The following NOS1 variants were observed in gnomAD, a reference collection of about 807,000 sequenced individuals.
NOS1 encodes NOS type I.
Under a neutral mutation model 164.5 loss-of-function variants are expected in NOS1, and 51 were observed. The ratio of observed to expected loss-of-function variants is 0.31; its 90% CI spans 0.25 to 0.39. NOS1 has a LOEUF of 0.39. Among genes scored for constraint, NOS1 ranks in the 10% least tolerant of loss-of-function variants. The probability of loss-of-function intolerance (pLI) is 1.00; values close to 1 mark genes in which losing one functional copy is unlikely to be tolerated. For missense variants in NOS1, 1,362 were observed against 1,885.6 expected, an observed-to-expected ratio of 0.72 and a Z score of 5.14; for synonymous variants, 719 against 745.8, an observed-to-expected ratio of 0.96 and a Z score of 0.59.
intron 14 of NOS1, among the ~76,000 whole-genome samples, chr12:117,259,707 C>T (rs956102913): frequency 1.3e-5 from 2 of 152,198 alleles, no homozygotes; most frequent in African/African-American, 2.4e-5. Context: ...TCCATGAAAA[C>T]AAGCGATCCA....
At chr12:117,305,909 AGCCTCC>A (rs2136049049) in intron 3 of NOS1, among the ~76,000 whole-genome samples, 1 of 151,226 alleles carries the variant, frequency 6.6e-6, no homozygotes, top group Non-Finnish European at 1.5e-5. Context: ...CTTGTGCCTC[AGCCTCC>A]CGAGTAGCTA....
chr12:117,249,915 G>A (rs1033755175), intron 17 of NOS1, among the ~76,000 whole-genome samples: 1 of 152,124 alleles, frequency 6.6e-6, no homozygotes, highest in Non-Finnish European at 1.5e-5. Flanking sequence ...TTCACCAATG[G>A]GACAAATACA....
At chr12:117,311,416 G>C in intron 3 of NOS1, 50 bp downstream of exon 3, 1 of 1,530,808 alleles carries the variant, frequency 6.5e-7, no homozygotes, top group Non-Finnish European at 8.8e-7. Flanking sequence ...CTGGGAGGGG[G>C]TCGAGAAGGC....
chr12:117,330,629 C>T lies in NOS1; in HGVS notation c.441G>A (p.Leu147=). ...HQPPAGKEQP[L]AVDGASGPGN... is the part of the protein sequence containing the mutation. ...CGGGACCCGAGGCCCCATCCACTGC[C>T]AGGGGCTGTTCTTTGCCGGCCGGTG... is the stretch of plus-strand genomic sequence containing the variant. The change falls in exon 2 of 29, where the codon CTG becomes CTA. Residue 147 remains leucine (L), a synonymous_variant. Transcript: ENST00000317775. The surrounding 1 kb of genome is among the most constrained non-coding windows in gnomAD (Gnocchi z 4.6). The T allele has an allele frequency of 6.2e-7, 1 of 1,612,036 alleles. No individual in the cohort carries two copies.
At chr12:117,332,910 A>C (rs772487921) in intron 1 of NOS1, among the ~76,000 whole-genome samples, 6 of 152,304 alleles carry the variant, frequency 3.9e-5, no homozygotes, top group Non-Finnish European at 7.4e-5. Flanking sequence ...TTATTTTCTT[A>C]ACTCCTAACT....
intron 16 of NOS1, among the ~76,000 whole-genome samples, chr12:117,255,195 A>G (rs995173634): frequency 6.6e-6 from 1 of 152,130 alleles, no homozygotes; most frequent in Admixed American, 6.6e-5. Flanking sequence ...GAACCTTGAT[A>G]TTAAAAAAAA....
chr12:117,332,372 T>C (rs1422453009), intron 1 of NOS1, among the ~76,000 whole-genome samples: 1 of 152,108 alleles, frequency 6.6e-6, no homozygotes, highest in Non-Finnish European at 1.5e-5. Flanking sequence ...TAGAGAATAA[T>C]GGCAGGGGGA....
intron 16 of NOS1, chr12:117,255,915 G>A (rs973957739): frequency 2.7e-6 from 4 of 1,454,932 alleles, no homozygotes; most frequent in Non-Finnish European, 3.6e-6. Context: ...ACACCTGCGT[G>A]TACACACATG....
At chr12:117,287,245 A>C (rs752180448) in intron 5 of NOS1, among the ~76,000 whole-genome samples, 5 of 152,020 alleles carry the variant, frequency 3.3e-5, no homozygotes, top group Non-Finnish European at 7.4e-5. Flanking sequence ...AATTCATATA[A>C]ATGGTGCTAT....
In NOS1 at chr12:117,330,203, AAGTGG is replaced by A; in HGVS notation, c.725+137_725+141del. ...TTAAGTGAAGATCAAGGGGGCCGTC[AAGTGG>A]TTATGCAAAAACAGGTATCTGAGAC... On this transcript the variant is annotated intron_variant, in intron 2 of 28. Transcript: ENST00000317775. The surrounding 1 kb of genome is among the most constrained non-coding windows in gnomAD (Gnocchi z 4.6). The A allele has an allele frequency of 7.6e-7, 1 of 1,322,796 alleles. No individual in the cohort carries two copies. The highest frequency in any genetic ancestry group is 1.9e-5 in the South Asian group (1 of 52,420). 81.9% of individuals were successfully genotyped at this position (1,322,796 alleles called of 1,614,324 possible). A position where few individuals can be genotyped will look rare whatever the true frequency, so the allele number is the denominator to read the frequency against.
chr12:117,343,891 C>T (rs1021968302), intron 1 of NOS1, among the ~76,000 whole-genome samples: 1 of 152,174 alleles, frequency 6.6e-6, no homozygotes, highest in African/African-American at 2.4e-5. Flanking sequence ...CGAAAGTTGC[C>T]TTTACATAGA....
intron 3 of NOS1, among the ~76,000 whole-genome samples, chr12:117,293,121 G>A (rs948531935): frequency 7.2e-5 from 11 of 152,192 alleles, no homozygotes; most frequent in African/African-American, 2.7e-4. Context: ...CGGAATAAGA[G>A]TTCTGAGTTC....
chr12:117,303,412 C>T (rs1260966598), intron 3 of NOS1, among the ~76,000 whole-genome samples: 1 of 152,088 alleles, frequency 6.6e-6, no homozygotes, highest in Non-Finnish European at 1.5e-5. Flanking sequence ...GCTAGCAAGC[C>T]CTGCGTCCCC....
At chr12:117,246,158 C>A in intron 18 of NOS1, 1 of 158,204 alleles carries the variant, frequency 6.3e-6, no homozygotes. Flanking sequence ...TTCTCCTCTC[C>A]ATCCATTATG....
intron 2 of NOS1, among the ~76,000 whole-genome samples, chr12:117,326,396 A>AAC (rs1555260925): frequency 0.065 from 2,067 of 31,998 alleles, 48 homozygotes; most frequent in African/African-American, 0.08. Context: ...AAAAAAAAAA[A>AAC]AAAAACAAAA....
chr12:117,339,054 C>T (rs2136082560), intron 1 of NOS1, among the ~76,000 whole-genome samples: 1 of 152,320 alleles, frequency 6.6e-6, no homozygotes, highest in East Asian at 1.9e-4. Context: ...AGCTTCTTTA[C>T]ATTTCCTGAA....
chr12:117,301,979 C>T (rs1350245064), intron 3 of NOS1: 2 of 456,584 alleles, frequency 4.4e-6, no homozygotes, highest in Admixed American at 4.7e-5. Context: ...GCTCAGGGCT[C>T]CATGGCCTGG....
At chr12:117,316,753 G>C (rs1341488975) in intron 2 of NOS1, among the ~76,000 whole-genome samples, 1 of 152,092 alleles carries the variant, frequency 6.6e-6, no homozygotes, top group Non-Finnish European at 1.5e-5. Flanking sequence ...CCTCTGGGAG[G>C]GCAGCATTTG....
chr12:117,290,978 C>T (rs750188211), intron 3 of NOS1, among the ~76,000 whole-genome samples: 2 of 152,064 alleles, frequency 1.3e-5, no homozygotes, highest in African/African-American at 2.4e-5. Flanking sequence ...TCTGGGAGCC[C>T]GAGGTGGGCG....
Sources: gnomAD v4.1 joint callset for allele counts (sites outside exome capture counted in the v4.1 genomes callset) on GRCh38, gnomAD v4.1.1 for gene constraint, Gnocchi (gnomAD v3.1) non-coding constraint, MANE v1.5 for transcripts, NCBI Gene and HGNC (gene_info 2026-07-23, HGNC 2026-07-21) for gene names.